The following MOXD1 variants were observed in gnomAD, a reference collection of about 807,000 sequenced individuals.
MOXD1 encodes the protein DBH-like monooxygenase protein 1.
In MOXD1, 62 loss-of-function variants were observed where a neutral mutation model predicts 66.6. The observed-to-expected ratio is 0.93, with a 90% CI of 0.76 to 1.15. MOXD1 has a LOEUF of 1.15. Among genes scored for constraint, MOXD1 ranks in the 50% most tolerant of loss-of-function variants. MOXD1 has a pLI of 0.00. For missense variants in MOXD1, 847 were observed against 754.6 expected, an observed-to-expected ratio of 1.12 and a Z score of -1.44; for synonymous variants, 303 against 281.9, an observed-to-expected ratio of 1.07 and a Z score of -0.75.
intron 8 of MOXD1, among the ~76,000 whole-genome samples, chr6:132,321,242 TGACAGAGTGA>T (rs1279518384): frequency 1.3e-5 from 2 of 149,492 alleles, no homozygotes; most frequent in Non-Finnish European, 2.9e-5. Context: ...CCAGCCGGGG[TGACAGAGTGA>T]GACTCCATCT....
At position 132,401,368 on chromosome 6, in the gene MOXD1, C is replaced by T. The variant is rs1465524802; in HGVS notation, c.59G>A (p.Gly20Asp). The change falls in exon 1 of 12, where the codon GGC (glycine) becomes GAC (aspartate). Residue 20 changes from glycine (G) to aspartate (D), a missense_variant. By Grantham distance (94) the Gly-to-Asp change is moderately conservative. Transcript: ENST00000367963. ...CCGGTGCGGATAGGTTCGGCCCGAG[C>T]CCCCCGCCGCCGTCCCGGGGAGCAG... ...WGLLPGTAAG[G>D]SGRTYPHRTL... 6.5e-6 allele frequency: 10 copies of T among 1,546,052 alleles called. No individual in the cohort carries two copies. Among genetic ancestry groups the T allele is most frequent in the East Asian group, 2.5e-5 (1 of 40,316 alleles).
Position 132,297,946 on chromosome 6 carries a change from A to G in MOXD1, c.1518T>C (p.Pro506=). Residue 506 remains proline (P), a synonymous_variant, in exon 11 of 12, where the codon CCT becomes CCC. Coordinates refer to ENST00000367963, the MANE Select transcript of MOXD1 (RefSeq NM_015529.4). ...KEIYRPVTTW[P]FIIKSPKQYK... is the part of the protein sequence containing the mutation. ...ATTGCTTGGGACTTTTGATAATGAAAGGCCAGGTCCTGAATTTAAAAGACA... is the reference window on the plus strand; with the variant it reads ...ATTGCTTGGGACTTTTGATAATGAAGGGCCAGGTCCTGAATTTAAAAGACA... The G allele has an allele frequency of 6.2e-7, 1 of 1,608,190 alleles. No homozygotes were observed.
At chr6:132,388,662 A>G (rs959082805) in intron 1 of MOXD1, among the ~76,000 whole-genome samples, 1 of 151,430 alleles carries the variant, frequency 6.6e-6, no homozygotes, top group Non-Finnish European at 1.5e-5. Context: ...ATCTATTTAC[A>G]TAACTGGAAA....
At chr6:132,385,927 C>A (rs1221875095) in intron 1 of MOXD1, among the ~76,000 whole-genome samples, 2 of 150,838 alleles carry the variant, frequency 1.3e-5, no homozygotes, top group African/African-American at 2.4e-5. Flanking sequence ...CACGGTTAAA[C>A]CCTATCTCTA....
At chr6:132,303,798 TAC>T (rs575480049) in intron 10 of MOXD1, among the ~76,000 whole-genome samples, 1 of 121,910 alleles carries the variant, frequency 8.2e-6, no homozygotes, top group African/African-American at 3.4e-5. Context: ...TATACATATA[TAC>T]ACACACATGT....
intron 1 of MOXD1, among the ~76,000 whole-genome samples, chr6:132,383,525 CTTT>C (rs1426182877): frequency 1.3e-5 from 2 of 152,150 alleles, no homozygotes; most frequent in Admixed American, 6.5e-5. Context: ...CCTGTTTGTT[CTTT>C]AAGTGTCACC....
intron 10 of MOXD1, among the ~76,000 whole-genome samples, chr6:132,312,308 A>G (rs1297643859): frequency 6.6e-6 from 1 of 152,176 alleles, no homozygotes; most frequent in African/African-American, 2.4e-5. Context: ...CACAGAATAG[A>G]AGAGTTTTGT....
intron 6 of MOXD1, chr6:132,325,030 A>C (rs1293942705): frequency 6.6e-6 from 1 of 151,910 alleles, no homozygotes; most frequent in East Asian, 1.9e-4. Flanking sequence ...TTCAGATGTA[A>C]TAAGTTGTTA....
chr6:132,330,282 C>T (rs1197776622), intron 4 of MOXD1, among the ~76,000 whole-genome samples: 1 of 152,220 alleles, frequency 6.6e-6, no homozygotes, highest in Admixed American at 6.5e-5. Context: ...CCAACACTCA[C>T]ATTACCTCCT....
chr6:132,316,947 C>A (rs1305522913), intron 9 of MOXD1, among the ~76,000 whole-genome samples: 1 of 151,806 alleles, frequency 6.6e-6, no homozygotes, highest in East Asian at 1.9e-4. Flanking sequence ...TCAACAAAAA[C>A]CAAATGTAAA....
intron 4 of MOXD1, among the ~76,000 whole-genome samples, chr6:132,347,568 T>A (rs1775691423): frequency 6.6e-6 from 1 of 151,956 alleles, no homozygotes; most frequent in African/African-American, 2.4e-5. Context: ...TCCCAGCTAC[T>A]TGAGAGGCTG....
At chr6:132,345,081 G>A (rs1424226866) in intron 4 of MOXD1, among the ~76,000 whole-genome samples, 1 of 152,190 alleles carries the variant, frequency 6.6e-6, no homozygotes, top group African/African-American at 2.4e-5. Flanking sequence ...GGGAACAAAT[G>A]AGCAGAGGTT....
At chr6:132,390,424 A>C (rs1776735644) in intron 1 of MOXD1, 1 of 151,526 alleles carries the variant, frequency 6.6e-6, no homozygotes, top group Non-Finnish European at 1.5e-5. Flanking sequence ...CACACTGCTT[A>C]TCACATCACT....
intron 8 of MOXD1, 52 bp downstream of exon 8, chr6:132,322,627 A>G (rs1775098795): frequency 1.3e-6 from 2 of 1,548,344 alleles, no homozygotes; most frequent in African/African-American, 2.7e-5. Flanking sequence ...CTCAGCAGAT[A>G]TGTCTCATGA....
rs1775224383 is a variant in MOXD1, at chr6:132,328,020, A to G, written c.939T>C (p.Tyr313=). Residue 313 remains tyrosine, a synonymous_variant, in exon 6 of 12, where the codon TAT becomes TAC. Coordinates refer to ENST00000367963, the MANE Select transcript of MOXD1 (RefSeq NM_015529.4). ...TATGAATAATAAACTCACCTTCCTC[A>G]TAAGTGGGATTATCATAATGGACTT... ...LLEVHYDNPT[Y]EEGLIDNSGL... is the part of the protein sequence containing the mutation. 4 of 1,610,550 alleles carry G rather than the reference A, an allele frequency of 2.5e-6. No homozygotes were observed. Among genetic ancestry groups the G allele is most frequent in the South Asian group, 1.1e-5 (1 of 90,816 alleles).
chr6:132,299,118 C>T (rs1351197342), intron 10 of MOXD1, among the ~76,000 whole-genome samples: 2 of 152,104 alleles, frequency 1.3e-5, no homozygotes, highest in Admixed American at 1.3e-4. Context: ...AAATCATGTC[C>T]TTTGCAGCAG....
At chr6:132,303,893 A>T (rs1774629027) in intron 10 of MOXD1, among the ~76,000 whole-genome samples, 1 of 117,060 alleles carries the variant, frequency 8.5e-6, no homozygotes, top group African/African-American at 3.5e-5. Flanking sequence ...ATATACATAA[A>T]ACCTTAGGAC....
intron 4 of MOXD1, among the ~76,000 whole-genome samples, chr6:132,336,038 T>C (rs1166765613): frequency 2.0e-5 from 3 of 152,196 alleles, no homozygotes; most frequent in Admixed American, 2.0e-4. Flanking sequence ...TTGAACAATT[T>C]TCCTGTACTC....
chr6:132,396,814 C>T (rs748740361), intron 1 of MOXD1, among the ~76,000 whole-genome samples: 9 of 152,154 alleles, frequency 5.9e-5, no homozygotes. Context: ...CCTACCAAGA[C>T]TGAATCAAGA....
Sources: gnomAD v4.1 joint callset for allele counts (sites outside exome capture counted in the v4.1 genomes callset) on GRCh38, gnomAD v4.1.1 for gene constraint, MANE v1.5 for transcripts, NCBI Gene and HGNC (gene_info 2026-07-23, HGNC 2026-07-21) for gene names.